RABGAP1L: variants seen among roughly 807,000 people sequenced by gnomAD.
The protein encoded by RABGAP1L is RAB GTPase activating protein 1 like.
RABGAP1L carries 63 observed loss-of-function variants against 137.7 expected under a neutral mutation model. The observed-to-expected ratio is 0.46, with a 90% CI of 0.37 to 0.56. The LOEUF (loss-of-function observed/expected upper bound fraction) is 0.56. RABGAP1L is among the 20% of genes least tolerant of loss of function. The pLI, the probability that RABGAP1L is intolerant of heterozygous loss-of-function variation, is 0.00. For synonymous variants in RABGAP1L, 431 were observed against 433.7 expected (o/e 0.99, Z 0.08); for missense variants, 1,095 against 1,244.0 (o/e 0.88, Z 1.80).
At chr1:174,807,629 C>A (rs1401352796) in intron 18 of RABGAP1L, among the ~76,000 whole-genome samples, 3 of 152,206 alleles carry the variant, frequency 2.0e-5, no homozygotes, top group South Asian at 2.1e-4. Flanking sequence ...CCATCAGAAT[C>A]AAAGTAGGAC....
intron 13 of RABGAP1L, among the ~76,000 whole-genome samples, chr1:174,530,708 C>G (rs1440550832): frequency 1.3e-5 from 2 of 152,060 alleles, no homozygotes; most frequent in Non-Finnish European, 2.9e-5. Flanking sequence ...CTTGGATGAT[C>G]TATTTGAAGT....
At chr1:174,788,137 G>A (rs992846448) in intron 18 of RABGAP1L, among the ~76,000 whole-genome samples, 2 of 152,182 alleles carry the variant, frequency 1.3e-5, no homozygotes, top group Non-Finnish European at 2.9e-5. Flanking sequence ...ACCAGCTTCT[G>A]CATGGTACAG....
chr1:174,573,253 A>G (rs1268816463), intron 13 of RABGAP1L, among the ~76,000 whole-genome samples: 1 of 151,574 alleles, frequency 6.6e-6, no homozygotes, highest in African/African-American at 2.4e-5. Flanking sequence ...GTGTGTATAT[A>G]TGTGTGACAT....
chr1:174,379,181 G>T (rs372165592), intron 12 of RABGAP1L, among the ~76,000 whole-genome samples: 25 of 149,924 alleles, frequency 1.7e-4, no homozygotes, highest in East Asian at 5.9e-4. Flanking sequence ...GCTGTTTTGG[G>T]TACTGTAGCC....
chr1:174,678,579 T>G (rs1199265483), intron 14 of RABGAP1L, among the ~76,000 whole-genome samples: 1 of 152,200 alleles, frequency 6.6e-6, no homozygotes, highest in Admixed American at 6.5e-5. Context: ...TTTAACCACA[T>G]TAACCGAATA....
chr1:174,246,209 C>T (rs1044660645), intron 5 of RABGAP1L: 2 of 152,186 alleles, frequency 1.3e-5, no homozygotes, highest in African/African-American at 4.8e-5. Flanking sequence ...TACATGTGCT[C>T]TCCTCCCTGC....
At chr1:174,778,743 T>C (rs1686729222) in intron 18 of RABGAP1L, among the ~76,000 whole-genome samples, 1 of 152,036 alleles carries the variant, frequency 6.6e-6, no homozygotes. Context: ...TACAGGTGCC[T>C]GCCACCATGC....
At chr1:174,349,043 G>GT (rs1558152775) in intron 11 of RABGAP1L, among the ~76,000 whole-genome samples, 4 of 129,174 alleles carry the variant, frequency 3.1e-5, no homozygotes, top group African/African-American at 7.9e-5. Context: ...GGCTGGCCGG[G>GT]CGGGGGGGGG....
At chr1:174,790,699 T>A (rs1046609057) in intron 18 of RABGAP1L, among the ~76,000 whole-genome samples, 1 of 151,376 alleles carries the variant, frequency 6.6e-6, no homozygotes, top group East Asian at 1.9e-4. Context: ...GCTAGCCATA[T>A]GAAGATTGGC....
At chr1:174,683,631 C>T in intron 15 of RABGAP1L, 35 bp downstream of exon 15, 2 of 1,495,440 alleles carry the variant, frequency 1.3e-6, no homozygotes, top group African/African-American at 1.4e-5. Context: ...TAGCACAGTG[C>T]TGCCAAGTTT....
chr1:174,259,854 A>G (rs1205554582), intron 7 of RABGAP1L, among the ~76,000 whole-genome samples: 1 of 138,280 alleles, frequency 7.2e-6, no homozygotes, highest in Non-Finnish European at 1.5e-5. Context: ...TTTTTTTTTG[A>G]GACAGAGTCT....
chr1:174,611,807 T>C (rs1671278443), intron 13 of RABGAP1L, among the ~76,000 whole-genome samples: 1 of 152,232 alleles, frequency 6.6e-6, no homozygotes, highest in Non-Finnish European at 1.5e-5. Context: ...TATTTTATTC[T>C]CCTTGAAGCA....
intron 11 of RABGAP1L, among the ~76,000 whole-genome samples, chr1:174,327,962 T>A (rs1680597851): frequency 7.7e-5 from 1 of 12,910 alleles, no homozygotes; most frequent in Non-Finnish European, 1.2e-4. Context: ...TGTAAATATA[T>A]ATATATATAT....
intron 4 of RABGAP1L, among the ~76,000 whole-genome samples, chr1:174,234,208 T>C (rs1487494048): frequency 1.4e-4 from 14 of 97,048 alleles, no homozygotes; most frequent in African/African-American, 3.9e-4. Flanking sequence ...TTCTTCCATT[T>C]TGTAGGTTGC....
chr1:174,863,566 G>C (rs550488766), intron 19 of RABGAP1L, among the ~76,000 whole-genome samples: 1 of 151,718 alleles, frequency 6.6e-6, no homozygotes, highest in Non-Finnish European at 1.5e-5. Context: ...CCAGCTACTC[G>C]GGAGGCTGAG....
At chr1:174,796,774 C>T (rs1265105653) in intron 18 of RABGAP1L, among the ~76,000 whole-genome samples, 3 of 152,042 alleles carry the variant, frequency 2.0e-5, no homozygotes, top group South Asian at 2.1e-4. Context: ...TTTGGGAGGC[C>T]GAGACGGGTA....
intron 11 of RABGAP1L, among the ~76,000 whole-genome samples, chr1:174,311,134 A>G (rs577500987): frequency 3.9e-5 from 6 of 152,108 alleles, no homozygotes; most frequent in Non-Finnish European, 8.8e-5. Flanking sequence ...AGATTGGGTA[A>G]TTTATAAACA....
At chr1:174,256,779 C>CAACAA (rs544196363) in intron 7 of RABGAP1L, among the ~76,000 whole-genome samples, 21 of 152,234 alleles carry the variant, frequency 1.4e-4, no homozygotes, top group East Asian at 7.7e-4. Context: ...GACTCCGTCT[C>CAACAA]AACAAAACAA....
At chr1:174,369,921 T>G (rs1211162267) in intron 11 of RABGAP1L, among the ~76,000 whole-genome samples, 2 of 152,224 alleles carry the variant, frequency 1.3e-5, no homozygotes, top group South Asian at 4.1e-4. Flanking sequence ...TGGTTATATT[T>G]TACTAAATGT....
Sources: gnomAD v4.1 joint callset for allele counts (sites outside exome capture counted in the v4.1 genomes callset) on GRCh38, gnomAD v4.1.1 for gene constraint, MANE v1.5 for transcripts, NCBI Gene and HGNC (gene_info 2026-07-23, HGNC 2026-07-21) for gene names.